Variants in MAPK8IP3 observed in about 807,000 individuals in gnomAD.
MAPK8IP3 encodes C-Jun-amino-terminal kinase-interacting protein 3.
MAPK8IP3 carries 49 observed loss-of-function variants against 157.8 expected under a neutral mutation model. The observed-to-expected ratio is 0.31, with a 90% CI of 0.25 to 0.39. MAPK8IP3 has a LOEUF of 0.39. Ranked by LOEUF, MAPK8IP3 falls within the 10% of genes least tolerant of loss-of-function variation. The probability of loss-of-function intolerance (pLI) is 1.00; values close to 1 mark genes in which losing one functional copy is unlikely to be tolerated. For missense variants in MAPK8IP3, 1,478 were observed against 1,889.4 expected, an observed-to-expected ratio of 0.78 and a Z score of 4.04; for synonymous variants, 897 against 777.7, an observed-to-expected ratio of 1.15 and a Z score of -2.55.
intron 4 of MAPK8IP3, among the ~76,000 whole-genome samples, chr16:1,739,750 G>A (rs1258782612): frequency 3.1e-5 from 4 of 127,036 alleles, no homozygotes; most frequent in African/African-American, 1.2e-4. Context: ...GTGACCGTCC[G>A]TGTGTGACCG....
At chr16:1,735,611 A>C (rs572907356) in intron 4 of MAPK8IP3, among the ~76,000 whole-genome samples, 2 of 122,586 alleles carry the variant, frequency 1.6e-5, no homozygotes, top group Non-Finnish European at 3.3e-5. Flanking sequence ...CCGTGTGACC[A>C]TCCGTGTGAG....
In MAPK8IP3 at chr16:1,741,898, G is replaced by A. The variant is rs1321429978; in HGVS notation, c.603-1434G>A. ...CAGAGCTGTATGCACCCCACAAAGAGACCCCTTCCCAGGGTCATTCTTCAT... is the reference window on the plus strand; with the variant it reads ...CAGAGCTGTATGCACCCCACAAAGAAACCCCTTCCCAGGGTCATTCTTCAT... On this transcript the variant is annotated intron_variant, in intron 4 of 31. Transcript: ENST00000610761. The surrounding 1 kb of genome is among the most constrained non-coding windows in gnomAD (Gnocchi z 6.9). Among the ~76,000 whole-genome samples, 8 of 152,122 alleles carry A rather than the reference G, an allele frequency of 5.3e-5. No homozygotes were observed. The highest frequency in any genetic ancestry group is 1.5e-5 in the Non-Finnish European group (1 of 68,010).
intron 26 of MAPK8IP3, 74 bp from the exon 27 acceptor site, chr16:1,767,490 G>A (rs1482992349): frequency 6.4e-7 from 1 of 1,556,758 alleles, no homozygotes; most frequent in Non-Finnish European, 8.7e-7. Context: ...TGGCCCTGGA[G>A]CTGTGGCAGG....
chr16:1,736,491 CGTCCGTGTGAG>C (rs1188644230), intron 4 of MAPK8IP3, among the ~76,000 whole-genome samples: 1 of 37,488 alleles, frequency 2.7e-5, no homozygotes, highest in African/African-American at 1.7e-4. Flanking sequence ...TGACCGTGAG[CGTCCGTGTGAG>C]CGTGTGACCG....
At chr16:1,718,520 A>T (rs2038305619) in intron 1 of MAPK8IP3, among the ~76,000 whole-genome samples, 1 of 151,420 alleles carries the variant, frequency 6.6e-6, no homozygotes, top group South Asian at 2.1e-4. Flanking sequence ...TAGGCCGGGT[A>T]CGGTGGCTCT....
At chr16:1,734,241 A>G (rs559920722) in intron 4 of MAPK8IP3, among the ~76,000 whole-genome samples, 1 of 152,362 alleles carries the variant, frequency 6.6e-6, no homozygotes, top group Non-Finnish European at 1.5e-5. Flanking sequence ...TGTCTCCCTG[A>G]GCATGCCGAG....
At chr16:1,761,122 C>A in intron 12 of MAPK8IP3, 102 bp from the exon 13 acceptor site, 1 of 928,318 alleles carries the variant, frequency 1.1e-6, no homozygotes, top group Admixed American at 1.7e-5. Flanking sequence ...CCCAGCCCTG[C>A]ACAGAGGCAA....
At chr16:1,747,378 G>A (rs2041029629) in intron 6 of MAPK8IP3, 103 bp downstream of exon 6, 2 of 1,482,514 alleles carry the variant, frequency 1.3e-6, no homozygotes, top group Non-Finnish European at 1.8e-6. Flanking sequence ...GCAGGCAGCA[G>A]AGACGTGTTC....
At chr16:1,760,694 G>A (rs1434326369) in intron 12 of MAPK8IP3, among the ~76,000 whole-genome samples, 162 bp downstream of exon 12, 5 of 152,192 alleles carry the variant, frequency 3.3e-5, no homozygotes, top group African/African-American at 1.2e-4. Context: ...CCAGCAGAGT[G>A]GGGCCGTGGT....
intron 13 of MAPK8IP3, 44 bp from the exon 14 acceptor site, chr16:1,762,307 G>A (rs1198884755): frequency 2.2e-5 from 33 of 1,528,832 alleles, no homozygotes; most frequent in East Asian, 1.2e-4. Context: ...GGTGTCACCC[G>A]GCCTCCGAGG....
chr16:1,735,668 C>CGT (rs1567162240), intron 4 of MAPK8IP3, among the ~76,000 whole-genome samples: 1 of 136,262 alleles, frequency 7.3e-6, no homozygotes, highest in African/African-American at 2.8e-5. Context: ...TGTGAGCATC[C>CGT]GTGTGACCGT....
chr16:1,738,716 C>CGG (rs2040307239), intron 4 of MAPK8IP3, among the ~76,000 whole-genome samples: 1 of 115,658 alleles, frequency 8.6e-6, no homozygotes, highest in African/African-American at 3.4e-5. Flanking sequence ...TGTGAGCATC[C>CGG]GTGTGAGTGT....
intron 4 of MAPK8IP3, among the ~76,000 whole-genome samples, chr16:1,734,503 G>A (rs1319001344): frequency 1.3e-5 from 2 of 152,264 alleles, no homozygotes; most frequent in African/African-American, 4.8e-5. Context: ...GCCTGCAGGC[G>A]TGGATGGCAG....
In MAPK8IP3 at chr16:1,742,457, G is replaced by A. The variant is rs556611824; in HGVS notation, c.603-875G>A. Among the ~76,000 whole-genome samples the A allele has an allele frequency of 4.6e-5, 7 of 152,362 alleles. No homozygotes were observed. The highest frequency in any genetic ancestry group is 1.9e-4 in the East Asian group (1 of 5,186). The stretch of plus-strand genomic sequence containing the variant: ...GGCTCCCTGACAGCAGAGAGGACAC[G>A]TGGGGAGGGAGAAGACGCCCCTCAG... On this transcript the variant is annotated intron_variant, in intron 4 of 31. Transcript: ENST00000610761. This position sits in a 1 kb window ranked among gnomAD's most constrained non-coding sequence, Gnocchi z 5.0.
At chr16:1,733,401 T>C (rs2039443787) in intron 4 of MAPK8IP3, among the ~76,000 whole-genome samples, 1 of 152,078 alleles carries the variant, frequency 6.6e-6, no homozygotes, top group Non-Finnish European at 1.5e-5. Context: ...CCCAGGGCCA[T>C]GTGAGCTCAG....
In MAPK8IP3 at chr16:1,762,965, G is replaced by A. The variant is rs766499121; in HGVS notation, c.1857G>A (p.Pro619=). The A allele has an allele frequency of 4.8e-5, 77 of 1,612,860 alleles. No homozygotes were observed. Among genetic ancestry groups the A allele is most frequent in the Non-Finnish European group, 6.4e-5 (75 of 1,179,998 alleles). The part of the protein sequence containing the change: ...FSQRRNHAMC[P]ISAGSRPLEF... ...AGCGCCGCAACCATGCCATGTGCCCGATCTCGGCAGGCAGCCGGCCCCTGG... is the reference window on the plus strand; with the variant it reads ...AGCGCCGCAACCATGCCATGTGCCCAATCTCGGCAGGCAGCCGGCCCCTGG... Residue 619 remains proline (P), a synonymous_variant, in exon 16 of 32, where the codon CCG becomes CCA. Coordinates refer to ENST00000610761, the MANE Select transcript of MAPK8IP3 (RefSeq NM_001318852.2).
chr16:1,758,600 C>T (rs969786345), intron 9 of MAPK8IP3, among the ~76,000 whole-genome samples: 1 of 152,212 alleles, frequency 6.6e-6, no homozygotes, highest in Non-Finnish European at 1.5e-5. Context: ...CAGGAGGCTC[C>T]GAGGCCCCAC....
chr16:1,736,986 A>G (rs1250184395), intron 4 of MAPK8IP3, among the ~76,000 whole-genome samples: 215 of 25,592 alleles, frequency 8.4e-3, no homozygotes, highest in Middle Eastern at 0.036. Context: ...CCGTGTGAGC[A>G]TCCGTGTGAG....
intron 19 of MAPK8IP3, 114 bp from the exon 20 acceptor site, chr16:1,764,899 C>T (rs1300704778): frequency 2.8e-6 from 3 of 1,055,846 alleles, no homozygotes; most frequent in Non-Finnish European, 4.1e-6. Context: ...GCCATGTCCC[C>T]TCAAGCTGTA....
Sources: allele counts gnomAD v4.1 joint callset (sites outside exome capture counted in the v4.1 genomes callset), GRCh38; gene constraint gnomAD v4.1.1; non-coding constraint Gnocchi (gnomAD v3.1); transcripts MANE v1.5; gene names NCBI Gene and HGNC (gene_info 2026-07-23, HGNC 2026-07-21).